MAP6: variants seen among roughly 807,000 people sequenced by gnomAD.
MAP6 encodes microtubule associated protein 6, also known as microtubule-associated protein 6.
A neutral mutation model predicts 42.4 loss-of-function variants in MAP6; 26 were observed. That is an observed-to-expected ratio of 0.61 (90% confidence interval 0.45 to 0.85). MAP6 has a LOEUF of 0.85. Among genes scored for constraint, MAP6 ranks in the 40% least tolerant of loss-of-function variants. The probability of loss-of-function intolerance (pLI) is 0.00; values close to 1 mark genes in which losing one functional copy is unlikely to be tolerated. For synonymous variants in MAP6, 418 were observed against 443.8 expected, an observed-to-expected ratio of 0.94 and a Z score of 0.73; for missense variants, 966 against 1,099.0, an observed-to-expected ratio of 0.88 and a Z score of 1.71.
intron 1 of MAP6, among the ~76,000 whole-genome samples, chr11:75,619,169 T>C (rs1231683254): frequency 6.6e-6 from 1 of 152,188 alleles, no homozygotes; most frequent in African/African-American, 2.4e-5. Context: ...AGTGTGTGTC[T>C]TTCCTAGGAC....
intron 2 of MAP6, chr11:75,607,458 G>A (rs1223664645): frequency 1.9e-5 from 19 of 985,286 alleles, no homozygotes; most frequent in South Asian, 4.7e-5. Flanking sequence ...TCCTGATCAC[G>A]AACTCCTATG....
chr11:75,587,128 A>G lies in MAP6; in HGVS notation c.2373T>C (p.Thr791=). The part of the protein sequence containing the change: ...TQGPRDPQLP[T]VSPLPRVMIP... ...TCATGACTCGGGGTAGAGGTGAGAC[A>G]GTAGGTAGCTGAGGGTCCCTGGGAC... Residue 791 remains threonine, a synonymous_variant, in exon 4 of 4, where the codon ACT becomes ACC. Transcript: ENST00000304771. 5 of 1,613,604 alleles carry G rather than the reference A, an allele frequency of 3.1e-6. No individual in the cohort carries two copies. The highest frequency in any genetic ancestry group is 4.2e-6 in the Non-Finnish European group (5 of 1,179,588).
At chr11:75,630,614 G>A (rs1205142518) in intron 1 of MAP6, among the ~76,000 whole-genome samples, 1 of 152,192 alleles carries the variant, frequency 6.6e-6, no homozygotes, top group East Asian at 1.9e-4. Context: ...TTTTATAGGT[G>A]TGACCTACTA....
rs1304791873 is a variant in MAP6 at position 75,587,849 on chromosome 11, T to G, written c.1652A>C (p.Gln551Pro). 1 of 1,614,208 alleles carries G rather than the reference T, an allele frequency of 6.2e-7. No individual in the cohort carries two copies. Among genetic ancestry groups the G allele is most frequent in the Admixed American group, 1.7e-5 (1 of 60,032 alleles). Reference protein sequence around the residue: ...SPMVPAKVKDQGSVVPESLKD... With the variant: ...SPMVPAKVKDPGSVVPESLKD... ...TAGAGACTCTGGTACCACAGAGCCT[T>G]GATCCTTAACTTTTGCTGGAACCAT... is the stretch of plus-strand genomic sequence containing the variant. The change falls in exon 4 of 4, where the codon CAA becomes CCA. Residue 551 changes from glutamine to proline, a missense_variant. Gln to Pro is a moderately conservative substitution (Grantham distance 76). Around this residue, in one of 2 missense-constraint regions of MAP6, gnomAD observed 943 missense variants for 1,049.9 expected, o/e 0.90. Transcript: ENST00000304771.
intron 3 of MAP6, among the ~76,000 whole-genome samples, chr11:75,601,012 T>C (rs1452352899): frequency 6.6e-6 from 1 of 152,204 alleles, no homozygotes; most frequent in East Asian, 1.9e-4. Flanking sequence ...ATGTGAGTGA[T>C]GGGTTATAGA....
intron 1 of MAP6, among the ~76,000 whole-genome samples, chr11:75,651,429 A>G (rs933131908): frequency 2.6e-5 from 4 of 152,138 alleles, no homozygotes; most frequent in African/African-American, 9.7e-5. Flanking sequence ...ACAGTCCCTC[A>G]TGGTAGAGCT....
Position 75,587,341 on chromosome 11 carries a change from G to A in MAP6, c.2160C>T (p.Leu720=). Residue 720 remains leucine (L), a synonymous_variant, in exon 4 of 4, where the codon CTC becomes CTT. Transcript: ENST00000304771. ...GGCCTTGATCCTTAACTAGTACTGG[G>A]AGAATGGGGTCTTGATTCTTCACGG... ...PESVKNQDPI[L]PVLVKDQGPT... is the part of the protein sequence containing the mutation. The A allele has an allele frequency of 6.2e-7, 1 of 1,614,108 alleles. No homozygotes were observed. The highest frequency in any genetic ancestry group is 8.5e-7 in the Non-Finnish European group (1 of 1,180,024).
chr11:75,588,988 C>A lies in MAP6; in HGVS notation c.1317-804G>T, dbSNP rs532885183. ...GCTTTTAGCTTTATTGCTTTAAATT[C>A]TCCATAGACAGTGCGCCCTGTGATT... On this transcript the variant is annotated intron_variant, in intron 3 of 3. Coordinates refer to ENST00000304771, the MANE Select transcript of MAP6 (RefSeq NM_033063.2). Among the ~76,000 whole-genome samples, 29 of 152,240 alleles carry A rather than the reference C, an allele frequency of 1.9e-4. No homozygotes were observed. In the South Asian group the frequency reaches 5.6e-3, roughly 29 times the overall value.
rs777721635 is a variant in MAP6, at chr11:75,587,983, A to C, written c.1518T>G (p.Asp506Glu). ...LGPMIPLPVK[D>E]QDHTVPEPLK... ...AAGGCTCAGGGACCGTGTGATCTTG[A>C]TCCTTGACTGGTAATGGGATCATGG... Residue 506 changes from aspartate to glutamate, a missense_variant, in exon 4 of 4, where the codon GAT (aspartate) becomes GAG (glutamate). Asp to Glu is a conservative substitution (Grantham distance 45). Transcript: ENST00000304771. The C allele has an allele frequency of 3.7e-6, 6 of 1,614,116 alleles. No individual in the cohort carries two copies. In the South Asian group the frequency reaches 6.6e-5, roughly 18 times the overall value.
At chr11:75,642,746 C>T (rs1943494604) in intron 1 of MAP6, 2 of 307,524 alleles carry the variant, frequency 6.5e-6, no homozygotes, top group African/African-American at 4.2e-5. Flanking sequence ...GAAAGTATAG[C>T]TGGAATGCCA....
intron 1 of MAP6, among the ~76,000 whole-genome samples, chr11:75,622,845 G>T (rs942134023): frequency 3.3e-5 from 5 of 152,186 alleles, no homozygotes; most frequent in African/African-American, 1.2e-4. Flanking sequence ...GTGTGCTAAA[G>T]CTGGCTCACA....
At chr11:75,664,155 G>C (rs1043000816) in intron 1 of MAP6, among the ~76,000 whole-genome samples, 9 of 152,206 alleles carry the variant, frequency 5.9e-5, no homozygotes, top group Middle Eastern at 3.4e-3. Context: ...CATTAAAAAT[G>C]GTAATAAAGA....
At chr11:75,604,078 C>T in intron 3 of MAP6, 2 of 985,824 alleles carry the variant, frequency 2.0e-6, no homozygotes, top group Non-Finnish European at 2.4e-6. Flanking sequence ...ACACGGAGAC[C>T]CACCAGCATT....
chr11:75,654,913 G>A (rs1943715858), intron 1 of MAP6, among the ~76,000 whole-genome samples: 1 of 152,100 alleles, frequency 6.6e-6, no homozygotes, highest in African/African-American at 2.4e-5. Flanking sequence ...GGACACAAGG[G>A]CACCTCCCAG....
At chr11:75,593,935 G>C (rs1240198708) in intron 3 of MAP6, among the ~76,000 whole-genome samples, 1 of 152,106 alleles carries the variant, frequency 6.6e-6, no homozygotes, top group Non-Finnish European at 1.5e-5. Flanking sequence ...ACATCTCCAG[G>C]CCTCAGTTTC....
chr11:75,615,741 A>T (rs1192245428), intron 1 of MAP6, among the ~76,000 whole-genome samples: 1 of 152,208 alleles, frequency 6.6e-6, no homozygotes, highest in African/African-American at 2.4e-5. Flanking sequence ...GTAGCATTCA[A>T]TGAATGCCTG....
chr11:75,596,272 C>T (rs1300037014), intron 3 of MAP6: 1 of 152,272 alleles, frequency 6.6e-6, no homozygotes, highest in Non-Finnish European at 1.5e-5. Flanking sequence ...CGGGCAAAGT[C>T]AGGACCTTAA....
chr11:75,592,731 C>T (rs370134091), intron 3 of MAP6, among the ~76,000 whole-genome samples: 62 of 152,216 alleles, frequency 4.1e-4, no homozygotes, highest in African/African-American at 1.5e-3. Flanking sequence ...CTTGTCCCTT[C>T]TTTGCTCACA....
chr11:75,618,173 A>C (rs550283930), intron 1 of MAP6, among the ~76,000 whole-genome samples: 1 of 151,880 alleles, frequency 6.6e-6, no homozygotes, highest in East Asian at 1.9e-4. Context: ...ACTAAAAATA[A>C]CATCATTTTA....
Sources: gnomAD v4.1 joint callset for allele counts (sites outside exome capture counted in the v4.1 genomes callset) on GRCh38, gnomAD v4.1.1 for gene constraint, gnomAD v4.1.1 regional missense constraint, MANE v1.5 for transcripts, NCBI Gene and HGNC (gene_info 2026-07-23, HGNC 2026-07-21) for gene names.